Variants in PHLPP1 observed in about 807,000 individuals in gnomAD.
PHLPP1 encodes PH domain and leucine rich repeat protein phosphatase 1.
A neutral mutation model predicts 117.2 loss-of-function variants in PHLPP1; 42 were observed. The ratio of observed to expected loss-of-function variants is 0.36; its 90% CI spans 0.28 to 0.46. PHLPP1 has a LOEUF of 0.46. PHLPP1 is among the 20% of genes least tolerant of loss of function. The probability of loss-of-function intolerance (pLI) is 1.00; values close to 1 mark genes in which losing one functional copy is unlikely to be tolerated. For synonymous variants in PHLPP1, 1,042 were observed against 970.7 expected (o/e 1.07, Z -1.37); for missense variants, 2,084 against 2,241.9 (o/e 0.93, Z 1.42).
At chr18:62,919,810 A>G in intron 9 of PHLPP1, 149 bp from the exon 10 acceptor site, 1 of 641,932 alleles carries the variant, frequency 1.6e-6, no homozygotes, top group East Asian at 2.8e-5. Flanking sequence ...TTGAGTATAT[A>G]GAAAGTATTG....
intron 1 of PHLPP1, among the ~76,000 whole-genome samples, chr18:62,751,377 G>A (rs1425886858): frequency 6.6e-6 from 1 of 152,156 alleles, no homozygotes; most frequent in Non-Finnish European, 1.5e-5. Flanking sequence ...TGACCTCTAG[G>A]TAGGAGAGAA....
At chr18:62,882,236 T>C (rs188017599) in intron 4 of PHLPP1, among the ~76,000 whole-genome samples, 7 of 151,646 alleles carry the variant, frequency 4.6e-5, no homozygotes, top group Middle Eastern at 3.4e-3. Flanking sequence ...AGTTGCTTAC[T>C]GGGGGTCTGT....
At chr18:62,748,886 G>T (rs1489613841) in intron 1 of PHLPP1, among the ~76,000 whole-genome samples, 1 of 151,774 alleles carries the variant, frequency 6.6e-6, no homozygotes, top group Non-Finnish European at 1.5e-5. Context: ...TCTTTTCTTG[G>T]TAGTGTGTTC....
chr18:62,774,503 G>A (rs1912890929), intron 1 of PHLPP1, among the ~76,000 whole-genome samples: 1 of 152,144 alleles, frequency 6.6e-6, no homozygotes, highest in Non-Finnish European at 1.5e-5. Flanking sequence ...TTGACATAGA[G>A]GTCATTTAGT....
Position 62,815,082 on chromosome 18 carries a change from T to C in PHLPP1, c.1577-14953T>C, listed in dbSNP as rs577920041. The stretch of plus-strand genomic sequence containing the variant: ...TGTAGTTCTGGATCAGGGTCCATCT[T>C]GAAGTTTGCAGTCTGGCCCTAGGGG... On this transcript the variant is annotated intron_variant, in intron 1 of 16. Transcript: ENST00000262719. Among the ~76,000 whole-genome samples the C allele has an allele frequency of 5.3e-5, 8 of 152,042 alleles. No homozygotes were observed. The East Asian group carries it at 1.5e-3, about 29-fold the overall frequency.
At chr18:62,819,242 A>G (rs1483923718) in intron 1 of PHLPP1, among the ~76,000 whole-genome samples, 6 of 152,216 alleles carry the variant, frequency 3.9e-5, no homozygotes, top group African/African-American at 7.2e-5. Flanking sequence ...ATACAATATT[A>G]TATTGGTAAT....
chr18:62,717,849 G>A (rs34480656), intron 1 of PHLPP1, among the ~76,000 whole-genome samples: 68,933 of 151,552 alleles, frequency 0.45, 18,601 homozygotes, highest in Non-Finnish European at 0.61. Context: ...CTTTTCCCCA[G>A]CGCTTTTTTT....
At chr18:62,951,544 C>T (rs1388173599) in intron 12 of PHLPP1, among the ~76,000 whole-genome samples, 1 of 152,142 alleles carries the variant, frequency 6.6e-6, no homozygotes, top group African/African-American at 2.4e-5. Flanking sequence ...CTCTTCAGAT[C>T]CTGAGGGCAA....
chr18:62,969,062 T>G (rs1418316432), intron 14 of PHLPP1, among the ~76,000 whole-genome samples: 1 of 152,092 alleles, frequency 6.6e-6, no homozygotes, highest in Non-Finnish European at 1.5e-5. Flanking sequence ...TTTTGGGTTT[T>G]TTTGTTTGTT....
chr18:62,823,945 A>G (rs1914538316), intron 1 of PHLPP1, among the ~76,000 whole-genome samples: 2 of 152,116 alleles, frequency 1.3e-5, no homozygotes. Flanking sequence ...CAGCCTGGCC[A>G]ACATGGTGAA....
intron 14 of PHLPP1, among the ~76,000 whole-genome samples, chr18:62,967,712 GT>G (rs1470999426): frequency 6.7e-6 from 1 of 149,060 alleles, no homozygotes; most frequent in African/African-American, 2.5e-5. Flanking sequence ...TGACTGTATG[GT>G]TTTTTTTCTT....
At chr18:62,858,908 A>C (rs1271038776) in intron 3 of PHLPP1, among the ~76,000 whole-genome samples, 1 of 152,172 alleles carries the variant, frequency 6.6e-6, no homozygotes, top group East Asian at 1.9e-4. Context: ...AGGCATGTAG[A>C]AGTAGGTACC....
At chr18:62,931,195 T>TAA (rs71340136) in intron 10 of PHLPP1, among the ~76,000 whole-genome samples, 159 of 137,380 alleles carry the variant, frequency 1.2e-3, no homozygotes, top group African/African-American at 3.8e-3. Flanking sequence ...AGACTCCATC[T>TAA]AAAAAAAAAA....
chr18:62,747,778 C>T (rs978127947), intron 1 of PHLPP1, among the ~76,000 whole-genome samples: 23 of 152,142 alleles, frequency 1.5e-4, no homozygotes, highest in Non-Finnish European at 4.4e-5. Flanking sequence ...CCTTGGCCTT[C>T]CAGAGTGCTG....
intron 4 of PHLPP1, among the ~76,000 whole-genome samples, chr18:62,881,911 G>C (rs1372452761): frequency 6.6e-6 from 1 of 152,188 alleles, no homozygotes; most frequent in African/African-American, 2.4e-5. Flanking sequence ...CCTTCTGAAG[G>C]GTGGGTGTTC....
At chr18:62,804,944 A>G (rs1017312915) in intron 1 of PHLPP1, among the ~76,000 whole-genome samples, 6 of 148,636 alleles carry the variant, frequency 4.0e-5, no homozygotes, top group Admixed American at 2.7e-4. Context: ...CATATACAGT[A>G]TAATATACAC....
At chr18:62,783,469 C>A (rs1271525613) in intron 1 of PHLPP1, among the ~76,000 whole-genome samples, 2 of 152,084 alleles carry the variant, frequency 1.3e-5, no homozygotes, top group African/African-American at 2.4e-5. Context: ...ACCTCGTGAT[C>A]TGCCCGCCTT....
intron 4 of PHLPP1, among the ~76,000 whole-genome samples, chr18:62,866,556 T>C (rs1915775730): frequency 2.0e-5 from 3 of 152,194 alleles, no homozygotes; most frequent in Admixed American, 2.0e-4. Flanking sequence ...AAAAGGTTAG[T>C]ATTTTAAAAC....
chr18:62,721,211 C>T (rs972413832), intron 1 of PHLPP1, among the ~76,000 whole-genome samples: 14 of 151,996 alleles, frequency 9.2e-5, no homozygotes, highest in Non-Finnish European at 2.1e-4. Flanking sequence ...AGAACCAAGA[C>T]GGACAAATAA....
Sources: gnomAD v4.1 joint callset for allele counts (sites outside exome capture counted in the v4.1 genomes callset) on GRCh38, gnomAD v4.1.1 for gene constraint, MANE v1.5 for transcripts, NCBI Gene and HGNC (gene_info 2026-07-23, HGNC 2026-07-21) for gene names.